ALG9: variants seen among roughly 807,000 people sequenced by gnomAD.
The protein encoded by ALG9 is ALG9 alpha-1,2-mannosyltransferase.
In ALG9, 55 loss-of-function variants were observed where a neutral mutation model predicts 81.8. The ratio of observed to expected loss-of-function variants is 0.67; its 90% confidence interval spans 0.54 to 0.84. The LOEUF is 0.84. Ranked by LOEUF, ALG9 falls within the 40% of genes least tolerant of loss-of-function variation. The pLI, the probability that ALG9 is intolerant of heterozygous loss-of-function variation, is 0.00. For synonymous variants in ALG9, 278 were observed against 274.3 expected (o/e 1.01, Z -0.13); for missense variants, 629 against 745.0 (o/e 0.84, Z 1.81).
intron 3 of ALG9, 143 bp downstream of exon 3, chr11:111,868,459 G>T: frequency 9.4e-7 from 1 of 1,065,744 alleles, no homozygotes. Flanking sequence ...ATTAATGCTT[G>T]TTGAATGGTG....
chr11:111,800,475 C>T (rs782165545), intron 14 of ALG9, among the ~76,000 whole-genome samples: 1 of 151,314 alleles, frequency 6.6e-6, no homozygotes, highest in African/African-American at 2.4e-5. Flanking sequence ...AGCGAGACTC[C>T]GTCTCAAAAA....
chr11:111,837,615 C>A lies in ALG9; in HGVS notation c.1325G>T (p.Gly442Val). The change falls in exon 12 of 15, where the codon GGA (glycine) becomes GTA (valine). Residue 442 changes from glycine (G) to valine (V), a missense_variant and splice_region_variant. Coordinates refer to ENST00000616540, the MANE Select transcript of ALG9 (RefSeq NM_024740.2). The stretch of plus-strand genomic sequence containing the variant: ...ATACAAATCAAGGGGCCCGTGATAT[C>A]CTGGAAGGGAGAACAGTTAGTGAGA... ...SFSRSVALFR[G>V]YHGPLDLYPE... 6.2e-7 allele frequency: 1 copy of A among 1,613,892 alleles called. No homozygotes were observed. The highest frequency in any genetic ancestry group is 8.5e-7 in the Non-Finnish European group (1 of 1,179,860).
intron 6 of ALG9, 22 bp from the exon 7 acceptor site, chr11:111,853,758 C>A: frequency 1.3e-6 from 2 of 1,589,620 alleles, no homozygotes; most frequent in Admixed American, 3.3e-5. Context: ...AGAAACAGAG[C>A]GGGGAGTTAA....
intron 14 of ALG9, among the ~76,000 whole-genome samples, chr11:111,803,394 G>A (rs1437209540): frequency 2.0e-5 from 3 of 151,736 alleles, no homozygotes; most frequent in African/African-American, 4.8e-5. Flanking sequence ...CCAGTTACTC[G>A]GGTGGCTGAG....
intron 14 of ALG9, among the ~76,000 whole-genome samples, chr11:111,787,992 T>A (rs1482490728): frequency 1.3e-5 from 2 of 152,292 alleles, no homozygotes; most frequent in East Asian, 1.9e-4. Flanking sequence ...ACTAACAGGA[T>A]TTATCATTTC....
chr11:111,795,404 C>T (rs648544), intron 14 of ALG9, among the ~76,000 whole-genome samples: 107,042 of 151,990 alleles, frequency 0.7, 38,303 homozygotes, highest in African/African-American at 0.83. Flanking sequence ...CTGTGGTGGC[C>T]CATGGGATGT....
At chr11:111,817,780 T>TC (rs1648541770) in intron 13 of ALG9, among the ~76,000 whole-genome samples, 2 of 149,700 alleles carry the variant, frequency 1.3e-5, no homozygotes, top group South Asian at 4.2e-4. Flanking sequence ...TGTATTTCTT[T>TC]TTTTTTTTTT....
In ALG9 at chr11:111,820,553, C is replaced by T. The variant is rs1411904509; in HGVS notation, c.1603-10780G>A. Among the ~76,000 whole-genome samples, 6 of 152,190 alleles carry T rather than the reference C, an allele frequency of 3.9e-5. No homozygotes were observed. In the East Asian group the frequency reaches 1.2e-3, roughly 29 times the overall value. Reference sequence around the variant, plus strand: ...TGACCCAAACACCTTCCATTAGGTGCCACCTCCTAACACTGACAAATTGGG... The same window carrying T: ...TGACCCAAACACCTTCCATTAGGTGTCACCTCCTAACACTGACAAATTGGG... On this transcript the variant is annotated intron_variant, in intron 13 of 14. Transcript: ENST00000616540.
intron 12 of ALG9, among the ~76,000 whole-genome samples, chr11:111,836,909 T>C (rs1468707920): frequency 6.6e-6 from 1 of 152,190 alleles, no homozygotes. Flanking sequence ...TTAACCAGAT[T>C]TCCCTTTAAC....
intron 4 of ALG9, 100 bp downstream of exon 4, chr11:111,865,081 G>A: frequency 2.9e-6 from 3 of 1,043,954 alleles, no homozygotes; most frequent in Non-Finnish European, 2.7e-6. Flanking sequence ...CCGGTCAAGA[G>A]TTTTCTATTT....
chr11:111,770,564 G>A, the ALG9 span, among the ~76,000 whole-genome samples: 2 of 151,918 alleles, frequency 1.3e-5, no homozygotes, highest in Admixed American at 6.6e-5. Flanking sequence ...AGCAGAGTCC[G>A]CTGGCACACC....
At chr11:111,802,348 C>T (rs1555081093) in intron 14 of ALG9, among the ~76,000 whole-genome samples, 1 of 152,162 alleles carries the variant, frequency 6.6e-6, no homozygotes, top group African/African-American at 2.4e-5. Context: ...GAACAGTATT[C>T]AGCAATAAAA....
chr11:111,858,461 G>C (rs1015480757), intron 5 of ALG9, among the ~76,000 whole-genome samples: 6 of 152,152 alleles, frequency 3.9e-5, no homozygotes, highest in Admixed American at 3.9e-4. Context: ...GACTGTCCTG[G>C]TCCTAACCTC....
the ALG9 span, chr11:111,771,365 G>C: frequency 6.6e-6 from 1 of 152,488 alleles, no homozygotes; most frequent in African/African-American, 2.4e-5. Flanking sequence ...CCAGGAGGCA[G>C]ATGTTGTGGT....
At chr11:111,821,087 C>A (rs1270068261) in intron 13 of ALG9, among the ~76,000 whole-genome samples, 1 of 152,092 alleles carries the variant, frequency 6.6e-6, no homozygotes, top group Admixed American at 6.5e-5. Flanking sequence ...GAGTGCGAGA[C>A]CTTGTCTCTA....
rs1322705502 is a variant in ALG9 at position 111,785,973 on chromosome 11, T to C, written c.*424A>G. On this transcript the variant is annotated 3_prime_UTR_variant, in exon 15 of 15. Transcript: ENST00000616540. The stretch of plus-strand genomic sequence containing the variant: ...AACAGCTTTGGTGGAGAAGCCCATA[T>C]GGCCTAAGAGAGGCTTGCTAGTTCT... The C allele has an allele frequency of 2.2e-5, 10 of 454,388 alleles. No homozygotes were observed. The highest frequency in any genetic ancestry group is 4.7e-5 in the Admixed American group (2 of 42,190). The allele number at this position is 454,388 out of a possible 1,614,324, so 28.1% of individuals were successfully genotyped here. A position where few individuals can be genotyped will look rare whatever the true frequency, so the allele number is the denominator to read the frequency against.
At chr11:111,774,013 G>A in the ALG9 span, among the ~76,000 whole-genome samples, 1 of 144,034 alleles carries the variant, frequency 6.9e-6, no homozygotes, top group Non-Finnish European at 1.5e-5. Flanking sequence ...GCCCATCTCG[G>A]CCTCCCAAAG....
chr11:111,870,151 A>G (rs1369481201), intron 2 of ALG9, 81 bp downstream of exon 2: 6 of 1,437,044 alleles, frequency 4.2e-6, no homozygotes, highest in East Asian at 2.4e-5. Context: ...TCACACTTGT[A>G]TATTATTTGT....
the ALG9 span, among the ~76,000 whole-genome samples, chr11:111,776,821 T>G: frequency 6.6e-6 from 1 of 152,324 alleles, no homozygotes; most frequent in Non-Finnish European, 1.5e-5. Flanking sequence ...ATGCAAATTC[T>G]ACTTCCTTCT....
Sources: allele counts gnomAD v4.1 joint callset (sites outside exome capture counted in the v4.1 genomes callset), GRCh38; gene constraint gnomAD v4.1.1; transcripts MANE v1.5; gene names NCBI Gene and HGNC (gene_info 2026-07-23, HGNC 2026-07-21).